The following CLDN16 variants were observed in gnomAD, a reference collection of about 807,000 sequenced individuals.
CLDN16 encodes claudin 16, also known as claudin-16.
In CLDN16, 13 loss-of-function variants were observed where a neutral mutation model predicts 24.6. The observed-to-expected ratio is 0.53, with a 90% CI of 0.34 to 0.84. The LOEUF is 0.84. Among genes scored for constraint, CLDN16 ranks in the 40% least tolerant of loss-of-function variants. The probability of loss-of-function intolerance (pLI) is 0.01; values close to 1 mark genes in which losing one functional copy is unlikely to be tolerated. For synonymous variants in CLDN16, 116 were observed against 106.7 expected, an observed-to-expected ratio of 1.09 and a Z score of -0.54; for missense variants, 298 against 292.7, an observed-to-expected ratio of 1.02 and a Z score of -0.13.
At chr3:190,372,895 G>T (rs1186924563) in intron 2 of CLDN16, among the ~76,000 whole-genome samples, 1 of 151,872 alleles carries the variant, frequency 6.6e-6, no homozygotes, top group Non-Finnish European at 1.5e-5. Flanking sequence ...ATGGAGCCCA[G>T]TTCCTGTTTC....
At chr3:190,326,716 C>A (rs1321949847) in intron 1 of CLDN16, among the ~76,000 whole-genome samples, 1 of 152,082 alleles carries the variant, frequency 6.6e-6, no homozygotes, top group Non-Finnish European at 1.5e-5. Context: ...AAACTTCCCC[C>A]ATAGATTGCC....
chr3:190,388,363 T>G lies in CLDN16; in HGVS notation c.34T>G (p.Phe12Val). The change falls in exon 1 of 5, where the codon TTT becomes GTT. Residue 12 changes from phenylalanine to valine, a missense_variant. Physicochemically the swap from Phe to Val is conservative, Grantham distance 50 (BLOSUM62 -1). Transcript: ENST00000264734. ...RDLLQYIACF[F>V]AFFSAGFLIV... ...TCTTCTTCAATACATCGCTTGCTTC[T>G]TTGCCTTTTTCTCTGCTGGGTTTTT... 1 of 1,614,114 alleles carries G rather than the reference T, an allele frequency of 6.2e-7. No individual in the cohort carries two copies. Among genetic ancestry groups the G allele is most frequent in the East Asian group, 2.2e-5 (1 of 44,870 alleles).
At chr3:190,309,591 G>T in the CLDN16 span, among the ~76,000 whole-genome samples, 8 of 152,190 alleles carry the variant, frequency 5.3e-5, no homozygotes, top group African/African-American at 1.9e-4. Flanking sequence ...CTAAGAATCA[G>T]CTCAACTTGC....
At chr3:190,324,485 CAAAT>C (rs201565781) in intron 1 of CLDN16, among the ~76,000 whole-genome samples, 3 of 152,056 alleles carry the variant, frequency 2.0e-5, no homozygotes, top group Non-Finnish European at 2.9e-5. Context: ...CCCATCTCAA[CAAAT>C]AAATAAATAA....
At chr3:190,323,370 T>A (rs527278910) in intron 1 of CLDN16, among the ~76,000 whole-genome samples, 2 of 152,282 alleles carry the variant, frequency 1.3e-5, no homozygotes, top group East Asian at 1.9e-4. Context: ...GGGCTGGAGT[T>A]GAGGAAGTCT....
chr3:190,354,430 A>C (rs1717726196), intron 1 of CLDN16, among the ~76,000 whole-genome samples: 1 of 151,812 alleles, frequency 6.6e-6, no homozygotes, highest in Non-Finnish European at 1.5e-5. Flanking sequence ...TTTCATTTTT[A>C]ATTACTTTAT....
upstream of CLDN16, among the ~76,000 whole-genome samples, chr3:190,386,495 A>C (rs1168394928): frequency 6.6e-6 from 1 of 152,122 alleles, no homozygotes; most frequent in Non-Finnish European, 1.5e-5. Context: ...CTATTAAGTG[A>C]CTAAGGGGTG....
At chr3:190,394,111 A>G (rs748577679) in intron 1 of CLDN16, among the ~76,000 whole-genome samples, 1 of 152,120 alleles carries the variant, frequency 6.6e-6, no homozygotes, top group Non-Finnish European at 1.5e-5. Context: ...TAAGACAGAT[A>G]ATAAGTCAAA....
intron 1 of CLDN16, among the ~76,000 whole-genome samples, chr3:190,392,057 G>GTTTTTTTTTTTTTT (rs1278610607): frequency 1.8e-4 from 20 of 108,674 alleles, no homozygotes; most frequent in Non-Finnish European, 3.8e-4. Context: ...GTCCTTTTCA[G>GTTTTTTTTTTTTTT]TCTTTTTTTT....
chr3:190,375,940 T>C (rs1021255747), intron 3 of CLDN16, among the ~76,000 whole-genome samples: 4 of 151,942 alleles, frequency 2.6e-5, no homozygotes, highest in Non-Finnish European at 5.9e-5. Context: ...GCTGTGCCAG[T>C]ATCTTGATCT....
intron 1 of CLDN16, among the ~76,000 whole-genome samples, chr3:190,352,369 T>A (rs1432265836): frequency 6.6e-6 from 1 of 152,112 alleles, no homozygotes; most frequent in East Asian, 1.9e-4. Flanking sequence ...AGAAACAGAA[T>A]ATGTGATTGG....
At chr3:190,365,987 A>G (rs1313095373) in intron 1 of CLDN16, among the ~76,000 whole-genome samples, 1 of 151,838 alleles carries the variant, frequency 6.6e-6, no homozygotes, top group Admixed American at 6.6e-5. Flanking sequence ...GAAATGGGCC[A>G]CTCTTACAAC....
intron 1 of CLDN16, among the ~76,000 whole-genome samples, chr3:190,326,908 T>C (rs1484241172): frequency 6.6e-6 from 1 of 152,214 alleles, no homozygotes; most frequent in Non-Finnish European, 1.5e-5. Flanking sequence ...TTAGAGATAC[T>C]AGAAACATTC....
intron 1 of CLDN16, among the ~76,000 whole-genome samples, chr3:190,348,667 A>AT (rs752593671): frequency 3.9e-5 from 6 of 152,152 alleles, no homozygotes; most frequent in Non-Finnish European, 8.8e-5. Context: ...TAAAGAATTC[A>AT]TTTTTTAAGT....
intron 3 of CLDN16, 121 bp from the exon 4 acceptor site, chr3:190,408,193 T>C: frequency 1.0e-6 from 1 of 954,522 alleles, no homozygotes; most frequent in Non-Finnish European, 1.7e-6. Context: ...TGCCCATGAA[T>C]CCATGTTACT....
Position 190,410,855 on chromosome 3 carries a change from C to A in CLDN16, c.*819C>A, listed in dbSNP as rs1379307938. 6.6e-6 allele frequency: 1 copy of A among 152,184 alleles called. No homozygotes were observed. The highest frequency in any genetic ancestry group is 1.5e-5 in the Non-Finnish European group (1 of 68,040). The allele number at this position is 152,184 out of a possible 1,614,324, so 9.4% of individuals were successfully genotyped here. A position where few individuals can be genotyped will look rare whatever the true frequency, so the allele number is the denominator to read the frequency against. On this transcript the variant is annotated 3_prime_UTR_variant, in exon 5 of 5. Transcript: ENST00000264734. ...TATACTATGTTAAAATTCATCAATT[C>A]AAGTGCCCACACACCACTGAATCAT...
At chr3:190,389,580 G>A (rs1362926277) in intron 1 of CLDN16, among the ~76,000 whole-genome samples, 2 of 152,152 alleles carry the variant, frequency 1.3e-5, no homozygotes, top group African/African-American at 4.8e-5. Flanking sequence ...AAAACCAATG[G>A]AGTTAGGAAT....
At chr3:190,322,568 G>A (rs1473219266) in exon 1 of CLDN16, 1 of 306,478 alleles carries the variant, frequency 3.3e-6, no homozygotes. Context: ...GCCCGGTTGG[G>A]GAACGCGCGG....
intron 1 of CLDN16, among the ~76,000 whole-genome samples, chr3:190,333,531 CATCT>C (rs71947568): frequency 0.1 from 14,413 of 143,528 alleles, 721 homozygotes; most frequent in South Asian, 0.13. Flanking sequence ...ATCAGTCTAT[CATCT>C]ATCTATCTAT....
Sources: gnomAD v4.1 joint callset for allele counts (sites outside exome capture counted in the v4.1 genomes callset) on GRCh38, gnomAD v4.1.1 for gene constraint, MANE v1.5 for transcripts, NCBI Gene and HGNC (gene_info 2026-07-23, HGNC 2026-07-21) for gene names.